Variants in ARNT observed in about 807,000 individuals in gnomAD.
ARNT encodes the protein class E basic helix-loop-helix protein 2.
In ARNT, 30 loss-of-function variants were observed where a neutral mutation model predicts 105.0. That is an observed-to-expected ratio of 0.29 (90% CI 0.21 to 0.39). The LOEUF is 0.39. Ranked by LOEUF, ARNT falls within the 10% of genes least tolerant of loss-of-function variation. The probability of loss-of-function intolerance (pLI) is 1.00; values close to 1 mark genes in which losing one functional copy is unlikely to be tolerated. For missense variants in ARNT, 748 were observed against 978.7 expected (o/e 0.76, Z 3.15); for synonymous variants, 304 against 344.0 (o/e 0.88, Z 1.29).
intron 3 of ARNT, among the ~76,000 whole-genome samples, chr1:150,850,936 C>A (rs1483236942): frequency 6.6e-6 from 1 of 150,940 alleles, no homozygotes; most frequent in African/African-American, 2.4e-5. Flanking sequence ...CGGCCACGAC[C>A]CCGTCTGGGA....
chr1:150,834,768 T>A, intron 7 of ARNT, 128 bp from the exon 8 acceptor site: 1 of 698,208 alleles, frequency 1.4e-6, no homozygotes, highest in African/African-American at 1.8e-5. Context: ...ATAACAGAAC[T>A]GACCAAGCAG....
At chr1:150,847,109 T>C (rs1662364628) in intron 3 of ARNT, among the ~76,000 whole-genome samples, 1 of 152,176 alleles carries the variant, frequency 6.6e-6, no homozygotes, top group South Asian at 2.1e-4. Flanking sequence ...GATTCTGCCT[T>C]CGATTATTTT....
Position 150,829,757 on chromosome 1 carries a change from C to T in ARNT, c.1032+147G>A, listed in dbSNP as rs763577588. 7 of 793,878 alleles carry T rather than the reference C, an allele frequency of 8.8e-6. No individual in the cohort carries two copies. In the African/African-American group the frequency reaches 1.2e-4, roughly 14 times the overall value. 49.2% of individuals were successfully genotyped at this position (793,878 alleles called of 1,614,324 possible). A position where few individuals can be genotyped will look rare whatever the true frequency, so the allele number is the denominator to read the frequency against. On this transcript the variant is annotated intron_variant, in intron 11 of 21. Coordinates refer to ENST00000358595, the MANE Select transcript of ARNT (RefSeq NM_001668.4). ...ACTTAAATCCAAGAATAGCAATGGTCACTATAAATGCCATATTCCTTCAAA... is the reference window on the plus strand; with the variant it reads ...ACTTAAATCCAAGAATAGCAATGGTTACTATAAATGCCATATTCCTTCAAA...
Position 150,839,432 on chromosome 1 carries a change from C to A in ARNT, c.486+9G>T. 1 of 1,614,076 alleles carries A rather than the reference C, an allele frequency of 6.2e-7. No homozygotes were observed. Among genetic ancestry groups the A allele is most frequent in the South Asian group, 1.1e-5 (1 of 91,072 alleles). ...TCCAGACTCTCTCAGAACTATAAGT[C>A]CCAGAGACCTGATCAGTGAGGAAAG... On this transcript the variant is annotated intron_variant, in intron 6 of 21. Coordinates refer to ENST00000358595, the MANE Select transcript of ARNT (RefSeq NM_001668.4).
chr1:150,827,618 G>A (rs1027268027), intron 12 of ARNT, among the ~76,000 whole-genome samples: 7 of 152,292 alleles, frequency 4.6e-5, no homozygotes, highest in African/African-American at 1.7e-4. Flanking sequence ...TGGCTATTAT[G>A]AATAATACAG....
chr1:150,862,712 T>TA (rs56147665), intron 1 of ARNT, among the ~76,000 whole-genome samples: 4,644 of 66,496 alleles, frequency 0.07, 282 homozygotes, highest in Non-Finnish European at 0.087. Flanking sequence ...CCTGCCTCTG[T>TA]AAAAAAAAAA....
chr1:150,847,424 T>TCA (rs1458563694), intron 3 of ARNT, among the ~76,000 whole-genome samples: 1 of 4,446 alleles, frequency 2.2e-4, no homozygotes, highest in African/African-American at 8.2e-4. Context: ...AGACTCCGTC[T>TCA]CAAAAAAAAA....
intron 8 of ARNT, among the ~76,000 whole-genome samples, chr1:150,833,039 T>C (rs1250892761): frequency 1.3e-5 from 2 of 152,218 alleles, no homozygotes; most frequent in South Asian, 2.1e-4. Context: ...CTAATCTTCA[T>C]AACAACTTTA....
intron 11 of ARNT, 39 bp from the exon 12 acceptor site, chr1:150,829,266 A>G (rs759659333): frequency 6.3e-7 from 1 of 1,593,542 alleles, no homozygotes; most frequent in Non-Finnish European, 8.6e-7. Flanking sequence ...AAATGATACC[A>G]TTATTTACAG....
chr1:150,857,807 G>A (rs587614891), intron 2 of ARNT, among the ~76,000 whole-genome samples: 1 of 152,148 alleles, frequency 6.6e-6, no homozygotes, highest in South Asian at 2.1e-4. Flanking sequence ...ATTTCTATCA[G>A]AACACAACCA....
chr1:150,860,640 GA>G (rs1452641444), intron 1 of ARNT, among the ~76,000 whole-genome samples: 1 of 151,956 alleles, frequency 6.6e-6, no homozygotes, highest in East Asian at 1.9e-4. Context: ...CATATCACCT[GA>G]GGTCAGCAGT....
chr1:150,846,347 T>C, intron 3 of ARNT, 40 bp from the exon 4 acceptor site: 1 of 1,597,324 alleles, frequency 6.3e-7, no homozygotes, highest in South Asian at 1.1e-5. Context: ...GCATTACACT[T>C]GTTATATCTA....
Position 150,858,446 on chromosome 1 carries a change from C to T in ARNT, c.40G>A (p.Val14Ile). 1.2e-6 allele frequency: 2 copies of T among 1,604,984 alleles called. No homozygotes were observed. The highest frequency in any genetic ancestry group is 1.7e-6 in the Non-Finnish European group (2 of 1,174,462). ...GCAATGGCTGGACCCAGTGATGGTA[C>T]ATCTGATGTCATTTCTGTCAGGAAA... ...TTANPEMTSD[V>I]PSLGPAIASG... The change falls in exon 2 of 22, where the codon GTA becomes ATA. Residue 14 changes from valine to isoleucine, a missense_variant. This residue lies in a region of ARNT where 93 missense variants were observed against 101.6 expected (regional missense o/e 0.92). Transcript: ENST00000358595.
intron 14 of ARNT, among the ~76,000 whole-genome samples, 172 bp downstream of exon 14, chr1:150,823,022 T>C (rs587759978): frequency 6.6e-6 from 1 of 152,298 alleles, no homozygotes; most frequent in South Asian, 2.1e-4. Flanking sequence ...GTTCAAGTGA[T>C]TCTCCTGTCT....
At chr1:150,828,268 C>T (rs965782211) in intron 12 of ARNT, among the ~76,000 whole-genome samples, 2 of 150,872 alleles carry the variant, frequency 1.3e-5, no homozygotes, top group African/African-American at 4.9e-5. Context: ...AGCTCTTACA[C>T]ATTTAGGCCT....
intron 1 of ARNT, among the ~76,000 whole-genome samples, chr1:150,866,042 G>A (rs1666532425): frequency 6.6e-6 from 1 of 151,396 alleles, no homozygotes; most frequent in South Asian, 2.1e-4. Context: ...GTGTGCAGTG[G>A]CGTGATCTCG....
At chr1:150,836,585 T>G (rs1343668332) in intron 6 of ARNT, 92 bp from the exon 7 acceptor site, 1 of 1,295,804 alleles carries the variant, frequency 7.7e-7, no homozygotes, top group African/African-American at 1.5e-5. Context: ...TCAGGCCACA[T>G]GCATCTCTCC....
chr1:150,857,872 A>G (rs1664909576), intron 2 of ARNT, among the ~76,000 whole-genome samples: 1 of 152,220 alleles, frequency 6.6e-6, no homozygotes, highest in African/African-American at 2.4e-5. Context: ...TGGAATCAGC[A>G]CAATGCCATA....
chr1:150,868,258 C>A (rs1315968542), intron 1 of ARNT, among the ~76,000 whole-genome samples: 1 of 151,974 alleles, frequency 6.6e-6, no homozygotes, highest in African/African-American at 2.4e-5. Context: ...AATCCAAGAC[C>A]AACGTGGGCA....
Sources: gnomAD v4.1 joint callset for allele counts (sites outside exome capture counted in the v4.1 genomes callset) on GRCh38, gnomAD v4.1.1 for gene constraint, gnomAD v4.1.1 regional missense constraint, MANE v1.5 for transcripts, NCBI Gene and HGNC (gene_info 2026-07-23, HGNC 2026-07-21) for gene names.